The following SLC26A7 variants were observed in gnomAD, a reference collection of about 807,000 sequenced individuals.
SLC26A7 encodes the protein anion exchange transporter.
Under a neutral mutation model 82.5 loss-of-function variants are expected in SLC26A7, and 59 were observed. The observed-to-expected ratio is 0.72, with a 90% CI of 0.58 to 0.89. SLC26A7 has a LOEUF of 0.89. SLC26A7 is among the 40% of genes least tolerant of loss of function. SLC26A7 has a pLI of 0.00. For missense variants in SLC26A7, 820 were observed against 793.0 expected, an observed-to-expected ratio of 1.03 and a Z score of -0.41; for synonymous variants, 271 against 274.3, an observed-to-expected ratio of 0.99 and a Z score of 0.12.
At chr8:91,346,806 C>T (rs907419775) in intron 9 of SLC26A7, among the ~76,000 whole-genome samples, 4 of 152,194 alleles carry the variant, frequency 2.6e-5, no homozygotes, top group Non-Finnish European at 4.4e-5. Flanking sequence ...CCACCTCATT[C>T]TCAGACCTAG....
At chr8:91,218,346 T>A (rs1810092971) in intron 1 of SLC26A7, among the ~76,000 whole-genome samples, 1 of 30,078 alleles carries the variant, frequency 3.3e-5, no homozygotes. Context: ...TGACTGCTTA[T>A]TTTGTACAAA....
In SLC26A7 at chr8:91,340,507, C is replaced by T; in HGVS notation, c.982C>T (p.Gln328Ter). The T allele has an allele frequency of 1.9e-6, 3 of 1,613,860 alleles. No individual in the cohort carries two copies. The highest frequency in any genetic ancestry group is 1.7e-6 in the Non-Finnish European group (2 of 1,179,938). ...CTATGTGGCCTCACTGGCTCTTGCTCAAGGATCTGCCAAAAAATTCAAATA... is the reference window on the plus strand; with the variant it reads ...CTATGTGGCCTCACTGGCTCTTGCTTAAGGATCTGCCAAAAAATTCAAATA... ...VGYVASLALA[Q>*]GSAKKFKYSI... The change falls in exon 8 of 19, where the codon CAA becomes TAA. Residue 328 changes from glutamine to a stop codon, truncating the protein, a stop_gained. Transcript: ENST00000276609. LOFTEE classifies it high-confidence loss of function.
chr8:91,253,029 G>GT (rs560283535), intron 2 of SLC26A7, among the ~76,000 whole-genome samples: 80 of 152,196 alleles, frequency 5.3e-4, no homozygotes, highest in Middle Eastern at 3.4e-3. Flanking sequence ...CAAATGCTGT[G>GT]TCTTCAAAAC....
In SLC26A7 at chr8:91,395,189, C is replaced by A; in HGVS notation, c.*92C>A. ...TGCACAACTTTTTGGTTGTTTAGAT[C>A]CTACAGATGACCTCTGCTACAATAA... is the stretch of plus-strand genomic sequence containing the variant. On this transcript the variant is annotated 3_prime_UTR_variant, in exon 19 of 19. Coordinates refer to ENST00000276609, the MANE Select transcript of SLC26A7 (RefSeq NM_052832.4). 10 of 1,589,496 alleles carry A rather than the reference C, an allele frequency of 6.3e-6. 1 individual carries two copies. The South Asian group carries it at 1.2e-4, about 18-fold the overall frequency.
intron 13 of SLC26A7, among the ~76,000 whole-genome samples, chr8:91,364,688 T>C (rs559345669): frequency 6.6e-6 from 1 of 152,278 alleles, no homozygotes; most frequent in East Asian, 1.9e-4. Flanking sequence ...GATTTGACTA[T>C]TTTCAGCTTA....
intron 11 of SLC26A7, among the ~76,000 whole-genome samples, chr8:91,358,422 T>C (rs1200947516): frequency 6.6e-5 from 10 of 151,580 alleles, no homozygotes; most frequent in African/African-American, 1.9e-4. Context: ...TCCACCTCCT[T>C]GGGTTCATGC....
At chr8:91,327,089 C>A (rs1015096936) in intron 5 of SLC26A7, among the ~76,000 whole-genome samples, 1 of 152,138 alleles carries the variant, frequency 6.6e-6, no homozygotes, top group African/African-American at 2.4e-5. Context: ...GTCACAGGCA[C>A]TGGAGTTTAG....
intron 11 of SLC26A7, among the ~76,000 whole-genome samples, chr8:91,362,067 G>C (rs919950298): frequency 6.6e-5 from 10 of 152,148 alleles, no homozygotes; most frequent in African/African-American, 1.9e-4. Context: ...CATCAACCAA[G>C]TATTTACAGA....
At chr8:91,230,458 T>C (rs1810296434) in intron 2 of SLC26A7, among the ~76,000 whole-genome samples, 1 of 152,218 alleles carries the variant, frequency 6.6e-6, no homozygotes, top group Non-Finnish European at 1.5e-5. Context: ...TATTCCCACC[T>C]GGGGACTTTC....
At chr8:91,217,244 G>A (rs1190630825) in intron 1 of SLC26A7, among the ~76,000 whole-genome samples, 2 of 152,132 alleles carry the variant, frequency 1.3e-5, no homozygotes, top group African/African-American at 4.8e-5. Flanking sequence ...GTCAGGACTC[G>A]TGGTTGCAAA....
intron 5 of SLC26A7, among the ~76,000 whole-genome samples, chr8:91,332,806 T>C (rs954809673): frequency 3.9e-5 from 6 of 152,114 alleles, no homozygotes; most frequent in African/African-American, 1.4e-4. Flanking sequence ...TTCTGGGTGG[T>C]GAGCCACCAC....
In SLC26A7 at chr8:91,327,108, CT is replaced by C. The variant is rs546501724; in HGVS notation, c.643-7179del. 7.2e-5 allele frequency among the ~76,000 whole-genome samples: 11 copies of C among 151,986 alleles called. No individual in the cohort carries two copies. In the South Asian group the frequency reaches 1.9e-3, roughly 26 times the overall value. On this transcript the variant is annotated intron_variant, in intron 5 of 18. Coordinates refer to ENST00000276609, the MANE Select transcript of SLC26A7 (RefSeq NM_052832.4). ...CAGGCACTGGAGTTTAGAATGTAGA[CT>C]TTTTTTTGGTGGGGAGGGGAGATAG...
At chr8:91,212,116 C>T (rs560816596) in intron 1 of SLC26A7, among the ~76,000 whole-genome samples, 20 of 152,158 alleles carry the variant, frequency 1.3e-4, no homozygotes, top group Admixed American at 1.3e-3. Context: ...TCAATAATTT[C>T]AATGTAGTTG....
At chr8:91,275,387 C>T (rs1811380937) in intron 2 of SLC26A7, among the ~76,000 whole-genome samples, 1 of 152,142 alleles carries the variant, frequency 6.6e-6, no homozygotes, top group Non-Finnish European at 1.5e-5. Flanking sequence ...CAGCCTTGAC[C>T]TCCCAGTCTC....
chr8:91,285,132 G>T (rs1396607272), intron 2 of SLC26A7, among the ~76,000 whole-genome samples: 2 of 152,240 alleles, frequency 1.3e-5, no homozygotes, highest in African/African-American at 4.8e-5. Flanking sequence ...CTGGTGGTTT[G>T]CTGGCAAGCT....
intron 4 of SLC26A7, among the ~76,000 whole-genome samples, chr8:91,311,448 C>T (rs572231681): frequency 2.0e-4 from 30 of 152,076 alleles, no homozygotes; most frequent in African/African-American, 7.2e-4. Context: ...TATATACACA[C>T]ACTCACACAC....
chr8:91,239,400 ATATATATATATGTATATGT>A (rs1173770745), intron 2 of SLC26A7, among the ~76,000 whole-genome samples: 182 of 111,798 alleles, frequency 1.6e-3, no homozygotes, highest in Non-Finnish European at 2.3e-3. Context: ...AAAAAAATAT[ATATATATATATGTATATGT>A]ATATATATGT....
At chr8:91,252,167 A>T (rs1311922219) in intron 2 of SLC26A7, among the ~76,000 whole-genome samples, 1 of 152,056 alleles carries the variant, frequency 6.6e-6, no homozygotes, top group Non-Finnish European at 1.5e-5. Context: ...GCAGCTTTTC[A>T]GTTACTCAGC....
rs201361063 is a variant in SLC26A7, at chr8:91,306,370, GC to G, written c.477+10668del. Among the ~76,000 whole-genome samples the G allele has an allele frequency of 5.3e-3, 810 of 152,216 alleles. 12 individuals carry two copies. The highest frequency in any genetic ancestry group is 0.012 in the Admixed American group (190 of 15,292). On this transcript the variant is annotated intron_variant, in intron 4 of 18. Coordinates refer to ENST00000276609, the MANE Select transcript of SLC26A7 (RefSeq NM_052832.4). Reference sequence around the variant, plus strand: ...TACTTCTAAAACCCAGCTGTTTGGTGCTTTTCTTAGAGTCCTTCTTTTTCCC... The same window carrying G: ...TACTTCTAAAACCCAGCTGTTTGGTGTTTTCTTAGAGTCCTTCTTTTTCCC...
Sources: gnomAD v4.1 joint callset for allele counts (sites outside exome capture counted in the v4.1 genomes callset) on GRCh38, gnomAD v4.1.1 for gene constraint, MANE v1.5 for transcripts, NCBI Gene and HGNC (gene_info 2026-07-23, HGNC 2026-07-21) for gene names.